CSMD1: variants seen among roughly 807,000 people sequenced by gnomAD.
CSMD1 encodes the protein CUB and Sushi multiple domains 1.
In CSMD1, 213 loss-of-function variants were observed where a neutral mutation model predicts 417.5. The ratio of observed to expected loss-of-function variants is 0.51; its 90% CI spans 0.46 to 0.57. The LOEUF (loss-of-function observed/expected upper bound fraction) is 0.57. Among genes scored for constraint, CSMD1 ranks in the 20% least tolerant of loss-of-function variants. The pLI is 0.00. For synonymous variants in CSMD1, 2,862 were observed against 1,736.8 expected, an observed-to-expected ratio of 1.65 and a Z score of -16.11; for missense variants, 6,923 against 4,529.7, an observed-to-expected ratio of 1.53 and a Z score of -15.17.
chr8:3,664,576 C>A (rs999945472), intron 7 of CSMD1, among the ~76,000 whole-genome samples: 1 of 152,212 alleles, frequency 6.6e-6, no homozygotes, highest in Non-Finnish European at 1.5e-5. Context: ...AGCAAAGAGA[C>A]TGAGGAGTTT....
intron 6 of CSMD1, among the ~76,000 whole-genome samples, chr8:3,718,072 G>A (rs1368793194): frequency 6.6e-6 from 1 of 152,136 alleles, no homozygotes; most frequent in African/African-American, 2.4e-5. Context: ...TAATTTGGTG[G>A]TTGAAAAATG....
intron 5 of CSMD1, among the ~76,000 whole-genome samples, chr8:3,829,511 G>A (rs972584837): frequency 2.0e-5 from 3 of 152,038 alleles, no homozygotes; most frequent in Non-Finnish European, 4.4e-5. Context: ...TTGTCCCTCT[G>A]TCCTGCACCA....
At chr8:3,133,665 T>A (rs2129027830) in intron 41 of CSMD1, among the ~76,000 whole-genome samples, 1 of 152,032 alleles carries the variant, frequency 6.6e-6, no homozygotes, top group East Asian at 2.0e-4. Flanking sequence ...GGGGTGAGTG[T>A]GATCAGAGGT....
chr8:4,413,613 A>C (rs1434381123), intron 3 of CSMD1, among the ~76,000 whole-genome samples: 1 of 152,184 alleles, frequency 6.6e-6, no homozygotes, highest in Non-Finnish European at 1.5e-5. Flanking sequence ...CCTTATAACG[A>C]ATATTCAGTT....
chr8:2,991,992 A>G (rs929101684), intron 54 of CSMD1, among the ~76,000 whole-genome samples: 22 of 152,378 alleles, frequency 1.4e-4, no homozygotes, highest in Admixed American at 1.2e-3. Flanking sequence ...CAGTATAAAC[A>G]TAACAGATTT....
intron 5 of CSMD1, among the ~76,000 whole-genome samples, chr8:3,871,869 A>G (rs1371368770): frequency 6.6e-6 from 1 of 152,224 alleles, no homozygotes; most frequent in African/African-American, 2.4e-5. Flanking sequence ...CCCTTCTGAA[A>G]GAAAATAACA....
At chr8:4,737,418 A>C (rs1563255281) in intron 1 of CSMD1, among the ~76,000 whole-genome samples, 1 of 152,280 alleles carries the variant, frequency 6.6e-6, no homozygotes, top group Admixed American at 6.5e-5. Flanking sequence ...GTGATGAGAT[A>C]ATCTGTACCA....
At position 4,635,005 on chromosome 8, in the gene CSMD1, G is replaced by A. The variant is rs75530593; in HGVS notation, c.302+2337C>T. On this transcript the variant is annotated intron_variant, in intron 2 of 69. Transcript: ENST00000635120. The stretch of plus-strand genomic sequence containing the variant: ...AATGGCATTCTACGTATGCGGATAG[G>A]AGGAAGAAATATAAAATGGAATATC... 1.6e-4 allele frequency among the ~76,000 whole-genome samples: 24 copies of A among 152,218 alleles called. No individual in the cohort carries two copies. The East Asian group carries it at 4.6e-3, about 29-fold the overall frequency.
At chr8:4,233,974 G>A (rs919223202) in intron 3 of CSMD1, among the ~76,000 whole-genome samples, 3 of 152,086 alleles carry the variant, frequency 2.0e-5, no homozygotes, top group East Asian at 3.9e-4. Flanking sequence ...AAAACGGCGG[G>A]GGGTGGGGGA....
chr8:3,026,171 G>C (rs1809861727), intron 51 of CSMD1, among the ~76,000 whole-genome samples: 1 of 152,138 alleles, frequency 6.6e-6, no homozygotes, highest in African/African-American at 2.4e-5. Context: ...AAGTCAGAGA[G>C]ATTGGACTCA....
intron 5 of CSMD1, among the ~76,000 whole-genome samples, chr8:3,979,949 T>G (rs2130169330): frequency 6.6e-6 from 1 of 152,326 alleles, no homozygotes; most frequent in East Asian, 1.9e-4. Flanking sequence ...AACTATAGCT[T>G]CAGCCAACAC....
intron 17 of CSMD1, among the ~76,000 whole-genome samples, chr8:3,391,548 A>G (rs775184789): frequency 1.3e-5 from 2 of 152,216 alleles, no homozygotes; most frequent in Non-Finnish European, 2.9e-5. Flanking sequence ...AAGAATGGCT[A>G]GACTGTCGCT....
intron 2 of CSMD1, among the ~76,000 whole-genome samples, chr8:4,626,757 G>C (rs544913166): frequency 1.3e-5 from 2 of 151,980 alleles, no homozygotes; most frequent in Non-Finnish European, 2.9e-5. Flanking sequence ...ATATATGAAG[G>C]CTTTATTCAC....
At chr8:4,401,676 T>C (rs1214319480) in intron 3 of CSMD1, among the ~76,000 whole-genome samples, 3 of 152,108 alleles carry the variant, frequency 2.0e-5, no homozygotes, top group Non-Finnish European at 4.4e-5. Context: ...TCATCCCAAA[T>C]ACCGGAAAAA....
At chr8:3,847,584 G>C (rs1160844365) in intron 5 of CSMD1, among the ~76,000 whole-genome samples, 2 of 152,126 alleles carry the variant, frequency 1.3e-5, no homozygotes, top group East Asian at 3.9e-4. Flanking sequence ...GGCCCTGAGA[G>C]AAGACTGGGG....
chr8:3,290,960 T>G (rs1036944662), intron 25 of CSMD1, among the ~76,000 whole-genome samples: 7 of 152,156 alleles, frequency 4.6e-5, no homozygotes, highest in African/African-American at 1.7e-4. Context: ...TGGCTGTGGG[T>G]TTGTCATAGA....
intron 3 of CSMD1, among the ~76,000 whole-genome samples, chr8:4,227,679 C>T (rs1801441457): frequency 6.6e-6 from 1 of 152,050 alleles, no homozygotes; most frequent in South Asian, 2.1e-4. Context: ...ACACAGCCTC[C>T]ATCCTACATT....
At chr8:3,447,857 T>A (rs1185520979) in intron 12 of CSMD1, among the ~76,000 whole-genome samples, 1 of 152,072 alleles carries the variant, frequency 6.6e-6, no homozygotes, top group Non-Finnish European at 1.5e-5. Flanking sequence ...CGGAGGTGTC[T>A]TTACTCTTCG....
intron 3 of CSMD1, among the ~76,000 whole-genome samples, chr8:4,040,545 T>C (rs1317170966): frequency 6.6e-6 from 1 of 152,192 alleles, no homozygotes; most frequent in African/African-American, 2.4e-5. Flanking sequence ...GATGATAAAG[T>C]GTGATTAGAT....
Sources: gnomAD v4.1 joint callset for allele counts (sites outside exome capture counted in the v4.1 genomes callset) on GRCh38, gnomAD v4.1.1 for gene constraint, MANE v1.5 for transcripts, NCBI Gene and HGNC (gene_info 2026-07-23, HGNC 2026-07-21) for gene names.